PSD3: variants seen among roughly 807,000 people sequenced by gnomAD.
The protein encoded by PSD3 is pleckstrin and Sec7 domain containing 3, also known as PH and SEC7 domain-containing protein 3.
PSD3 carries 49 observed loss-of-function variants against 105.5 expected under a neutral mutation model. That is an observed-to-expected ratio of 0.46 (90% CI 0.37 to 0.59). The LOEUF is 0.59. Among genes scored for constraint, PSD3 ranks in the 20% least tolerant of loss-of-function variants. The pLI, the probability that PSD3 is intolerant of heterozygous loss-of-function variation, is 0.00. For synonymous variants in PSD3, 557 were observed against 457.8 expected (o/e 1.22, Z -2.77); for missense variants, 1,561 against 1,263.8 (o/e 1.24, Z -3.57).
chr8:18,824,913 C>A (rs1349817435), intron 4 of PSD3, among the ~76,000 whole-genome samples: 1 of 152,168 alleles, frequency 6.6e-6, no homozygotes, highest in Non-Finnish European at 1.5e-5. Context: ...GAATTGCCCT[C>A]TTTCCATAAG....
chr8:18,916,449 G>A (rs886220184), intron 2 of PSD3, among the ~76,000 whole-genome samples: 3 of 150,650 alleles, frequency 2.0e-5, no homozygotes, highest in Non-Finnish European at 3.0e-5. Flanking sequence ...GATAAACCTA[G>A]AGGACATTAT....
chr8:18,680,623 A>G (rs1432243643), intron 9 of PSD3, among the ~76,000 whole-genome samples: 3 of 152,198 alleles, frequency 2.0e-5, no homozygotes, highest in African/African-American at 7.2e-5. Context: ...TCAGAGGTTG[A>G]TACAAACATT....
At chr8:18,806,324 T>A (rs1448116746) in intron 4 of PSD3, among the ~76,000 whole-genome samples, 1 of 152,210 alleles carries the variant, frequency 6.6e-6, no homozygotes, top group East Asian at 1.9e-4. Context: ...ACAATTTTGA[T>A]CTCATAAACC....
At chr8:18,568,254 C>T (rs752228060) in intron 14 of PSD3, among the ~76,000 whole-genome samples, 2 of 152,170 alleles carry the variant, frequency 1.3e-5, no homozygotes, top group Admixed American at 6.5e-5. Flanking sequence ...CTAAATATCA[C>T]ATTTTTAAAT....
chr8:18,579,815 A>C (rs1802692477), intron 12 of PSD3, among the ~76,000 whole-genome samples: 1 of 152,172 alleles, frequency 6.6e-6, no homozygotes, highest in Non-Finnish European at 1.5e-5. Context: ...TAAAGACTCC[A>C]GTTTTCAATG....
intron 1 of PSD3, among the ~76,000 whole-genome samples, chr8:18,994,459 CAAAT>C (rs1279988040): frequency 2.0e-5 from 3 of 151,938 alleles, no homozygotes; most frequent in Non-Finnish European, 2.9e-5. Context: ...GATAAAGAAA[CAAAT>C]AAAACTGTGC....
chr8:18,994,766 A>G (rs989286688), intron 1 of PSD3, among the ~76,000 whole-genome samples: 1 of 151,598 alleles, frequency 6.6e-6, no homozygotes, highest in Non-Finnish European at 1.5e-5. Context: ...AATTCTCATC[A>G]TATTTCTATT....
chr8:19,027,076 A>AT (rs1827582649), intron 1 of PSD3, among the ~76,000 whole-genome samples: 1 of 152,162 alleles, frequency 6.6e-6, no homozygotes, highest in Non-Finnish European at 1.5e-5. Flanking sequence ...TAGAATTCTC[A>AT]TTGCACAATA....
intron 4 of PSD3, chr8:18,853,955 TAA>T (rs927989238): frequency 2.6e-5 from 4 of 152,248 alleles, no homozygotes; most frequent in African/African-American, 9.6e-5. Flanking sequence ...ATCATTTTCC[TAA>T]GTCTTTCCTA....
chr8:18,614,895 C>G (rs752671702), intron 11 of PSD3, among the ~76,000 whole-genome samples: 3 of 151,958 alleles, frequency 2.0e-5, no homozygotes, highest in African/African-American at 7.3e-5. Context: ...CTCAGCCTCC[C>G]TAAGTGTTGA....
At chr8:18,994,910 C>G (rs1174177254) in intron 1 of PSD3, among the ~76,000 whole-genome samples, 1 of 146,238 alleles carries the variant, frequency 6.8e-6, no homozygotes, top group African/African-American at 2.5e-5. Context: ...TAATTTCAAA[C>G]TCTTCTCCAA....
At chr8:18,908,389 TC>T (rs1819982487) in intron 2 of PSD3, among the ~76,000 whole-genome samples, 2 of 152,192 alleles carry the variant, frequency 1.3e-5, no homozygotes. Flanking sequence ...CTCCACAACA[TC>T]CTGTACTCAG....
At position 18,674,976 on chromosome 8, in the gene PSD3, G is replaced by C. The variant is rs111343273; in HGVS notation, c.2173-19291C>G. Among the ~76,000 whole-genome samples, 860 of 152,076 alleles carry C rather than the reference G, an allele frequency of 5.7e-3. 9 individuals are homozygous for C. Among genetic ancestry groups the C allele is most frequent in the African/African-American group, 0.02 (825 of 41,474 alleles). ...TGTTCTTACTACTGCACTCCAGCTT[G>C]GGTGACAAAGTGAGACCCTGTCTCC... On this transcript the variant is annotated intron_variant, in intron 9 of 15. Coordinates refer to ENST00000327040, the MANE Select transcript of PSD3 (RefSeq NM_015310.4).
chr8:18,960,827 G>A (rs138232056), intron 1 of PSD3, among the ~76,000 whole-genome samples: 4 of 152,032 alleles, frequency 2.6e-5, no homozygotes, highest in African/African-American at 9.6e-5. Context: ...GGCTAATATC[G>A]GTAATCCCAG....
At chr8:18,800,616 C>T (rs1810592455) in intron 7 of PSD3, among the ~76,000 whole-genome samples, 1 of 152,186 alleles carries the variant, frequency 6.6e-6, no homozygotes, top group South Asian at 2.1e-4. Flanking sequence ...AAAGATCTCT[C>T]TTCACAAGGT....
chr8:18,889,806 CA>C (rs1563388777), intron 2 of PSD3, among the ~76,000 whole-genome samples: 1 of 152,102 alleles, frequency 6.6e-6, no homozygotes, highest in Non-Finnish European at 1.5e-5. Flanking sequence ...AATTTTAGAA[CA>C]AAATTTTGGG....
chr8:18,955,479 A>G (rs1399480448), intron 1 of PSD3, among the ~76,000 whole-genome samples: 7 of 152,216 alleles, frequency 4.6e-5, no homozygotes, highest in Non-Finnish European at 7.3e-5. Context: ...TTTCTTGGCT[A>G]TATAAAAGTT....
chr8:18,733,300 A>G (rs1008762742), intron 9 of PSD3: 5 of 152,214 alleles, frequency 3.3e-5, no homozygotes, highest in Non-Finnish European at 1.5e-5. Flanking sequence ...GTATAAGTTC[A>G]ATGTTTCTAG....
chr8:18,917,730 G>A (rs1820717311), intron 2 of PSD3, among the ~76,000 whole-genome samples: 1 of 152,046 alleles, frequency 6.6e-6, no homozygotes, highest in South Asian at 2.1e-4. Context: ...CCTGCTCTCA[G>A]GAACGTGGAG....
Sources: gnomAD v4.1 joint callset for allele counts (sites outside exome capture counted in the v4.1 genomes callset) on GRCh38, gnomAD v4.1.1 for gene constraint, MANE v1.5 for transcripts, NCBI Gene and HGNC (gene_info 2026-07-23, HGNC 2026-07-21) for gene names.